INTS4: variants seen among roughly 807,000 people sequenced by gnomAD.
The protein encoded by INTS4 is MSTP093.
A neutral mutation model predicts 119.5 loss-of-function variants in INTS4; 70 were observed. That is an observed-to-expected ratio of 0.59 (90% CI 0.48 to 0.71). The LOEUF (loss-of-function observed/expected upper bound fraction) is 0.71, where lower values mean the gene tolerates loss of function less well. INTS4 is among the 30% of genes least tolerant of loss of function. INTS4 has a pLI of 0.00. For missense variants in INTS4, 867 were observed against 1,173.2 expected (o/e 0.74, Z 3.81); for synonymous variants, 316 against 419.6 (o/e 0.75, Z 3.02).
chr11:77,925,439 T>C (rs558531810), intron 11 of INTS4, among the ~76,000 whole-genome samples: 9 of 152,336 alleles, frequency 5.9e-5, no homozygotes, highest in East Asian at 3.9e-4. Flanking sequence ...ATGGCACCGA[T>C]AGACTTGCTC....
At chr11:77,909,045 G>A (rs1953029559) in intron 15 of INTS4, among the ~76,000 whole-genome samples, 1 of 152,176 alleles carries the variant, frequency 6.6e-6, no homozygotes, top group Admixed American at 6.5e-5. Flanking sequence ...CAGTTCAGTT[G>A]AAAGTACTTT....
intron 21 of INTS4, among the ~76,000 whole-genome samples, chr11:77,885,077 CTTTTTCT>C (rs1951946303): frequency 6.6e-6 from 1 of 151,828 alleles, no homozygotes; most frequent in Admixed American, 6.6e-5. Context: ...ATTTCTTTTT[CTTTTTCT>C]TTTTTCTTTT....
intron 4 of INTS4, among the ~76,000 whole-genome samples, chr11:77,963,989 T>C (rs904447379): frequency 1.3e-5 from 2 of 152,230 alleles, no homozygotes; most frequent in African/African-American, 4.8e-5. Context: ...CAGATTCTAA[T>C]GTATACCCTC....
intron 10 of INTS4, among the ~76,000 whole-genome samples, chr11:77,932,025 C>T (rs1653586029): frequency 1.3e-5 from 2 of 152,154 alleles, no homozygotes; most frequent in South Asian, 4.1e-4. Flanking sequence ...AGGACATAGG[C>T]ATGGGCAAAG....
chr11:77,992,344 T>G (rs941061357), intron 1 of INTS4, among the ~76,000 whole-genome samples: 1 of 151,970 alleles, frequency 6.6e-6, no homozygotes, highest in Non-Finnish European at 1.5e-5. Flanking sequence ...TGAGCTAGGA[T>G]TGCGCAACTG....
chr11:77,877,099 A>G (rs1238729384), downstream of INTS4: 2 of 700,020 alleles, frequency 2.9e-6, no homozygotes, highest in East Asian at 2.7e-5. Flanking sequence ...TTCTTCCCCT[A>G]GTCCCTCTTT....
At chr11:77,939,610 T>C (rs1292930136) in intron 9 of INTS4, among the ~76,000 whole-genome samples, 1 of 152,196 alleles carries the variant, frequency 6.6e-6, no homozygotes, top group East Asian at 1.9e-4. Flanking sequence ...TTGACAGTTA[T>C]GGTTCTCATC....
intron 18 of INTS4, among the ~76,000 whole-genome samples, chr11:77,897,056 T>C (rs1212581886): frequency 1.3e-5 from 2 of 152,000 alleles, no homozygotes; most frequent in African/African-American, 2.4e-5. Flanking sequence ...TATGAACCTA[T>C]TCTGGTGTGG....
intron 8 of INTS4, among the ~76,000 whole-genome samples, chr11:77,947,110 GA>G (rs1163583874): frequency 1.3e-3 from 186 of 138,592 alleles, no homozygotes; most frequent in Non-Finnish European, 1.9e-3. Flanking sequence ...CCATTAAGAG[GA>G]AAAAAAAAAA....
chr11:77,940,740 T>A lies in INTS4; in HGVS notation c.990+440A>T, dbSNP rs1793338. ...CAACCTCTGGTCTCCAGGGTTCAAGTGATTCCCTGCCTCAGTCACCCAAGT... is the reference window on the plus strand; with the variant it reads ...CAACCTCTGGTCTCCAGGGTTCAAGAGATTCCCTGCCTCAGTCACCCAAGT... On this transcript the variant is annotated intron_variant, in intron 9 of 22. Transcript: ENST00000534064. 1.3e-3 allele frequency among the ~76,000 whole-genome samples: 202 copies of A among 151,914 alleles called. 1 individual carries two copies. The highest frequency in any genetic ancestry group is 2.4e-3 in the Non-Finnish European group (163 of 67,956).
At chr11:77,948,012 T>A (rs573038378) in intron 8 of INTS4, among the ~76,000 whole-genome samples, 1 of 152,246 alleles carries the variant, frequency 6.6e-6, no homozygotes, top group East Asian at 1.9e-4. Context: ...CCCAGCTGAT[T>A]TCTTTTTTCT....
chr11:77,884,921 T>C (rs1951937987), intron 21 of INTS4: 1 of 232,714 alleles, frequency 4.3e-6, no homozygotes, highest in Non-Finnish European at 9.2e-6. Context: ...CGCCAGGTAA[T>C]TTTCTTTTTA....
At chr11:77,954,851 G>C (rs967673848) in intron 8 of INTS4, among the ~76,000 whole-genome samples, 4 of 152,142 alleles carry the variant, frequency 2.6e-5, no homozygotes, top group African/African-American at 9.7e-5. Context: ...CCACAGCCTG[G>C]GGGTTTGAGC....
chr11:77,941,946 G>A (rs1365057356), intron 8 of INTS4, among the ~76,000 whole-genome samples: 2 of 152,128 alleles, frequency 1.3e-5, no homozygotes, highest in African/African-American at 4.8e-5. Context: ...ATAACATATT[G>A]ACGGTCACAA....
At chr11:77,912,478 T>A (rs1802791534) in intron 15 of INTS4, among the ~76,000 whole-genome samples, 1 of 152,214 alleles carries the variant, frequency 6.6e-6, no homozygotes, top group South Asian at 2.1e-4. Context: ...GATGCCACTA[T>A]GCCACTATGT....
intron 1 of INTS4, among the ~76,000 whole-genome samples, chr11:77,992,924 TTTATG>T (rs1156707248): frequency 6.6e-6 from 1 of 152,224 alleles, no homozygotes. Flanking sequence ...ATTTAATCAC[TTTATG>T]TTAACAACTG....
Position 77,993,055 on chromosome 11 carries a change from G to A in INTS4, c.54+1535C>T, listed in dbSNP as rs1437912438. 1.2e-4 allele frequency among the ~76,000 whole-genome samples: 19 copies of A among 152,172 alleles called. 1 individual carries two copies. The highest frequency in any genetic ancestry group is 2.1e-4 in the South Asian group (1 of 4,832). ...GAAGCTGTAGTTAGGTCAAAAGCTAGGAATTTTTTCCCTAAGTATTATATA... is the reference window on the plus strand; with the variant it reads ...GAAGCTGTAGTTAGGTCAAAAGCTAAGAATTTTTTCCCTAAGTATTATATA... On this transcript the variant is annotated intron_variant, in intron 1 of 22. Transcript: ENST00000534064.
At chr11:77,965,349 C>G (rs527482391) in intron 4 of INTS4, among the ~76,000 whole-genome samples, 13 of 152,234 alleles carry the variant, frequency 8.5e-5, no homozygotes, top group African/African-American at 3.1e-4. Context: ...ACTGCACCTC[C>G]CTACTCTTAG....
intron 21 of INTS4, among the ~76,000 whole-genome samples, chr11:77,887,260 G>C: frequency 6.6e-6 from 1 of 152,136 alleles, no homozygotes; most frequent in East Asian, 1.9e-4. Context: ...ATGCAAGGCT[G>C]GTTCAACATA....
Sources: allele counts gnomAD v4.1 joint callset (sites outside exome capture counted in the v4.1 genomes callset), GRCh38; gene constraint gnomAD v4.1.1; transcripts MANE v1.5; gene names NCBI Gene and HGNC (gene_info 2026-07-23, HGNC 2026-07-21).